The following MYO9A variants were observed in gnomAD, a reference collection of about 807,000 sequenced individuals.
MYO9A encodes the protein myosin IXA.
In MYO9A, 103 loss-of-function variants were observed where a neutral mutation model predicts 293.3. The ratio of observed to expected loss-of-function variants is 0.35; its 90% CI spans 0.30 to 0.41. The LOEUF (loss-of-function observed/expected upper bound fraction) is 0.41. MYO9A is among the 10% of genes least tolerant of loss of function. The pLI, the probability that MYO9A is intolerant of heterozygous loss-of-function variation, is 1.00. For synonymous variants in MYO9A, 1,001 were observed against 1,035.7 expected, an observed-to-expected ratio of 0.97 and a Z score of 0.64; for missense variants, 2,685 against 3,033.0, an observed-to-expected ratio of 0.89 and a Z score of 2.69.
At chr15:72,005,796 A>C (rs1596362716) in intron 8 of MYO9A, among the ~76,000 whole-genome samples, 1 of 152,354 alleles carries the variant, frequency 6.6e-6, no homozygotes, top group East Asian at 1.9e-4. Flanking sequence ...AATTAACTTT[A>C]TGCTCTAAAA....
intron 1 of MYO9A, among the ~76,000 whole-genome samples, chr15:72,094,366 A>ATTTT (rs3028399): frequency 0.11 from 9,745 of 87,274 alleles, 2,898 homozygotes; most frequent in East Asian, 0.28. Flanking sequence ...ACAGATAGTG[A>ATTTT]TTTTTTAACA....
At chr15:71,947,746 C>T (rs1250471305) in intron 15 of MYO9A, among the ~76,000 whole-genome samples, 1 of 152,186 alleles carries the variant, frequency 6.6e-6, no homozygotes, top group Non-Finnish European at 1.5e-5. Flanking sequence ...AAGCCCTCAG[C>T]CCTTCCCTGG....
At chr15:72,063,840 G>A (rs1435081821) in intron 1 of MYO9A, among the ~76,000 whole-genome samples, 2 of 152,130 alleles carry the variant, frequency 1.3e-5, no homozygotes, top group Non-Finnish European at 2.9e-5. Flanking sequence ...ATATCAAAGT[G>A]GTATCTGCAC....
chr15:71,925,693 T>C (rs2058293109), intron 18 of MYO9A, among the ~76,000 whole-genome samples: 1 of 152,180 alleles, frequency 6.6e-6, no homozygotes, highest in Non-Finnish European at 1.5e-5. Flanking sequence ...AATTTATAAC[T>C]TGCTGCCTTA....
chr15:72,017,612 G>A (rs2077382941), intron 6 of MYO9A, among the ~76,000 whole-genome samples: 1 of 151,820 alleles, frequency 6.6e-6, no homozygotes, highest in South Asian at 2.1e-4. Flanking sequence ...AAATTACTTG[G>A]TTATGTAATA....
At chr15:71,907,021 A>C (rs1209638161) in intron 19 of MYO9A, among the ~76,000 whole-genome samples, 8 of 148,582 alleles carry the variant, frequency 5.4e-5, no homozygotes, top group African/African-American at 1.0e-4. Context: ...TATACATGTG[A>C]CATGCTGGTG....
At chr15:71,939,131 A>C (rs1400092593) in intron 15 of MYO9A, 4 of 488,574 alleles carry the variant, frequency 8.2e-6, no homozygotes, top group Non-Finnish European at 1.4e-5. Context: ...TTAATAATGA[A>C]ATATTTTCTT....
intron 22 of MYO9A, 60 bp from the exon 23 acceptor site, chr15:71,901,400 T>C: frequency 1.3e-6 from 2 of 1,504,376 alleles, no homozygotes; most frequent in Non-Finnish European, 9.0e-7. Flanking sequence ...ATTTATTTCA[T>C]GAATCATCCT....
rs1443539858 is a variant in MYO9A at position 71,960,189 on chromosome 15, C to T, written c.1987-93G>A. On this transcript the variant is annotated intron_variant, in intron 13 of 41. Transcript: ENST00000356056. ...TAACATACTTTGGATGCTTGTCCCT[C>T]CAAACCTCATATTGAAATGTGATTC... 9.1e-6 allele frequency: 10 copies of T among 1,094,200 alleles called. No homozygotes were observed. The East Asian group carries it at 2.0e-4, about 22-fold the overall frequency. The allele number at this position is 1,094,200 out of a possible 1,614,324, so 67.8% of individuals were successfully genotyped here.
At chr15:72,002,748 G>T (rs903137693) in intron 8 of MYO9A, among the ~76,000 whole-genome samples, 1 of 152,122 alleles carries the variant, frequency 6.6e-6, no homozygotes, top group Non-Finnish European at 1.5e-5. Context: ...CACAACAGTG[G>T]TTACCTCTGG....
intron 1 of MYO9A, among the ~76,000 whole-genome samples, chr15:72,056,679 T>G (rs188064913): frequency 4.8e-4 from 73 of 152,246 alleles, no homozygotes; most frequent in Admixed American, 4.6e-4. Context: ...AAATCACCAC[T>G]AAAGAACTTA....
intron 1 of MYO9A, among the ~76,000 whole-genome samples, chr15:72,068,800 T>C (rs1275561589): frequency 6.6e-6 from 1 of 152,112 alleles, no homozygotes. Flanking sequence ...TTTACCAATA[T>C]GCTACTCTTA....
At chr15:72,001,526 C>T (rs187182350) in intron 8 of MYO9A, among the ~76,000 whole-genome samples, 1 of 138,656 alleles carries the variant, frequency 7.2e-6, no homozygotes, top group African/African-American at 2.8e-5. Context: ...TGCACTCCAG[C>T]CTAGGAGACA....
chr15:71,984,543 C>T (rs150853435), intron 11 of MYO9A, among the ~76,000 whole-genome samples: 226 of 152,284 alleles, frequency 1.5e-3, no homozygotes, highest in African/African-American at 4.7e-3. Flanking sequence ...ACTTATTCTA[C>T]GTCTCTCATA....
chr15:71,981,807 T>C (rs1269221687), intron 11 of MYO9A, among the ~76,000 whole-genome samples: 1 of 152,054 alleles, frequency 6.6e-6, no homozygotes, highest in African/African-American at 2.4e-5. Flanking sequence ...TTATTTCATT[T>C]TCTCTACTTT....
At chr15:72,051,806 C>T (rs2078573222) in intron 1 of MYO9A, among the ~76,000 whole-genome samples, 1 of 152,062 alleles carries the variant, frequency 6.6e-6, no homozygotes, top group Non-Finnish European at 1.5e-5. Context: ...CTGTAGGCAC[C>T]CCCTGTCACA....
intron 1 of MYO9A, among the ~76,000 whole-genome samples, chr15:72,082,398 T>C (rs1443950590): frequency 6.6e-6 from 1 of 152,172 alleles, no homozygotes; most frequent in African/African-American, 2.4e-5. Context: ...ACTTTGCTGA[T>C]GTCATCAGCT....
intron 14 of MYO9A, among the ~76,000 whole-genome samples, chr15:71,954,895 C>T (rs1016496949): frequency 1.3e-5 from 2 of 152,274 alleles, no homozygotes; most frequent in Admixed American, 1.3e-4. Context: ...AATGTCAATT[C>T]AAAGGCCTTA....
At position 71,880,427 on chromosome 15, in the gene MYO9A, C is replaced by G. The variant is rs1288040170; in HGVS notation, c.5530G>C (p.Ala1844Pro). The change falls in exon 29 of 42, where the codon GCT (alanine) becomes CCT (proline). Residue 1844 changes from alanine to proline, a missense_variant. Ala to Pro is a conservative substitution (Grantham distance 27, BLOSUM62 -1). Coordinates refer to ENST00000356056, the MANE Select transcript of MYO9A (RefSeq NM_006901.4). Reference sequence around the variant, plus strand: ...TTTTGCCAATGCATAGAATCCAAAGCCACGTTGCTAATCTTCACACTTCGC... The same window carrying G: ...TTTTGCCAATGCATAGAATCCAAAGGCACGTTGCTAATCTTCACACTTCGC... ...RKRSVKISNVALDSMHWQNDS... is the reference protein window; with the variant it reads ...RKRSVKISNVPLDSMHWQNDS... The G allele has an allele frequency of 6.2e-7, 1 of 1,614,100 alleles. No individual in the cohort carries two copies. The highest frequency in any genetic ancestry group is 1.3e-5 in the African/African-American group (1 of 74,950).
Sources: allele counts gnomAD v4.1 joint callset (sites outside exome capture counted in the v4.1 genomes callset), GRCh38; gene constraint gnomAD v4.1.1; transcripts MANE v1.5; gene names NCBI Gene and HGNC (gene_info 2026-07-23, HGNC 2026-07-21).